EFEMP2: variants seen among roughly 807,000 people sequenced by gnomAD.
EFEMP2 encodes the protein EGF-containing fibulin-like extracellular matrix protein 2.
In EFEMP2, 21 loss-of-function variants were observed where a neutral mutation model predicts 55.3. That is an observed-to-expected ratio of 0.38 (90% confidence interval 0.27 to 0.55). EFEMP2 has a LOEUF of 0.55. Among genes scored for constraint, EFEMP2 ranks in the 20% least tolerant of loss-of-function variants. EFEMP2 has a pLI of 0.77. For missense variants in EFEMP2, 513 were observed against 615.1 expected (o/e 0.83, Z 1.76); for synonymous variants, 275 against 242.3 (o/e 1.14, Z -1.25).
rs549894264 is a variant in EFEMP2, at chr11:65,870,737, C to T, written c.368-79G>A. 26 of 1,604,458 alleles carry T rather than the reference C, an allele frequency of 1.6e-5. No individual in the cohort carries two copies. In the Middle Eastern group the frequency reaches 5.0e-4, roughly 31 times the overall value. ...GACAGATAGTTCCAACACTTGTATT[C>T]GGTTCTCTCAACAGCACGCGTAAGA... On this transcript the variant is annotated intron_variant, in intron 4 of 10. Coordinates refer to ENST00000307998, the MANE Select transcript of EFEMP2 (RefSeq NM_016938.5).
chr11:65,872,306 G>T lies in EFEMP2; in HGVS notation c.49C>A (p.Leu17Met). The change falls in exon 2 of 11, where the codon CTG becomes ATG. Residue 17 changes from leucine to methionine, a missense_variant. By Grantham distance (15) the Leu-to-Met change is conservative. Coordinates refer to ENST00000307998, the MANE Select transcript of EFEMP2 (RefSeq NM_016938.5). ...GCTGATCCCAAGAGCAACAGTAGCAGCGCCCAGAGCAGTAGAGACCCGGGT... is the reference window on the plus strand; with the variant it reads ...GCTGATCCCAAGAGCAACAGTAGCATCGCCCAGAGCAGTAGAGACCCGGGT... ...CLPGSLLLWA[L>M]LLLLLGSASP... 1 of 1,551,740 alleles carries T rather than the reference G, an allele frequency of 6.4e-7. No homozygotes were observed. Among genetic ancestry groups the T allele is most frequent in the Non-Finnish European group, 8.7e-7 (1 of 1,147,032 alleles).
At chr11:65,867,463 G>T (rs908160093) in intron 10 of EFEMP2, 11 of 427,936 alleles carry the variant, frequency 2.6e-5, no homozygotes, top group Non-Finnish European at 4.4e-5. Flanking sequence ...CCCTTCTCCT[G>T]CTGAGACCCA....
At position 65,872,776 on chromosome 11, in the gene EFEMP2, C is replaced by A. The variant is rs1859990902; in HGVS notation, c.-101G>T. 1.1e-5 allele frequency: 3 copies of A among 261,924 alleles called. No homozygotes were observed. The highest frequency in any genetic ancestry group is 2.4e-5 in the Non-Finnish European group (3 of 124,922). The allele number at this position is 261,924 out of a possible 1,614,324, so 16.2% of individuals were successfully genotyped here. ...AGACGGACGGGCGGACGGCACAGCT[C>A]CCTGGACGCGCGGCCCCAGGAAGCG... On this transcript the variant is annotated 5_prime_UTR_variant, in exon 1 of 11. Transcript: ENST00000307998.
At position 65,872,519 on chromosome 11, in the gene EFEMP2, C is replaced by T. The variant is rs2134754077; in HGVS notation, c.-7-158G>A. 6 of 556,298 alleles carry T rather than the reference C, an allele frequency of 1.1e-5. No homozygotes were observed. In the South Asian group the frequency reaches 1.2e-4, roughly 11 times the overall value. 34.5% of individuals were successfully genotyped at this position (556,298 alleles called of 1,614,324 possible). A position where few individuals can be genotyped will look rare whatever the true frequency, so the allele number is the denominator to read the frequency against. On this transcript the variant is annotated intron_variant, in intron 1 of 10. Coordinates refer to ENST00000307998, the MANE Select transcript of EFEMP2 (RefSeq NM_016938.5). The stretch of plus-strand genomic sequence containing the variant: ...GGGCCGACTCCTCACAGGCCCAGGT[C>T]CCAGGCCCGGGTCCCAGGCCCACCC...
intron 10 of EFEMP2, 187 bp downstream of exon 10, chr11:65,867,674 G>A (rs1030783972): frequency 7.4e-6 from 5 of 674,080 alleles, no homozygotes; most frequent in African/African-American, 3.6e-5. Context: ...CGAGTGCTTC[G>A]TTAGAATTGC....
At chr11:65,872,060 T>C in intron 2 of EFEMP2, 42 bp from the exon 3 acceptor site, 2 of 1,550,868 alleles carry the variant, frequency 1.3e-6, no homozygotes, top group Non-Finnish European at 1.7e-6. Context: ...CCCTAAGATC[T>C]CCTCCAACTG....
At position 65,868,527 on chromosome 11, in the gene EFEMP2, G is replaced by C. The variant is rs1321499476; in HGVS notation, c.830C>G (p.Ala277Gly). 2.5e-6 allele frequency: 4 copies of C among 1,614,052 alleles called. No homozygotes were observed. The highest frequency in any genetic ancestry group is 1.3e-5 in the African/African-American group (1 of 75,060). ...CHCPQGYQLL[A>G]TRLCQDIDEC... is the part of the protein sequence containing the mutation. ...ACCTGTACCTTGGCAGAGGCGTGTG[G>C]CCAGCAGCTGGTAACCCTGTGGGCA... The change falls in exon 8 of 11, where the codon GCC (alanine) becomes GGC (glycine). Residue 277 changes from alanine (A) to glycine (G), a missense_variant. Coordinates refer to ENST00000307998, the MANE Select transcript of EFEMP2 (RefSeq NM_016938.5).
chr11:65,867,440 G>A (rs1416133528), intron 10 of EFEMP2: 5 of 436,750 alleles, frequency 1.1e-5, no homozygotes, highest in African/African-American at 2.0e-5. Context: ...AGAAGGGCTG[G>A]TACTAGACAA....
chr11:65,872,652 C>T, intron 1 of EFEMP2, 31 bp downstream of exon 1: 1 of 307,836 alleles, frequency 3.2e-6, no homozygotes. Context: ...CCGGCCCACG[C>T]CCTCCCCCAC....
chr11:65,867,513 G>A, intron 10 of EFEMP2: 1 of 441,132 alleles, frequency 2.3e-6, no homozygotes, highest in Non-Finnish European at 4.2e-6. Context: ...CTCACTGTGA[G>A]CCGCCCCTGG....
chr11:65,868,235 A>G (rs202220871), intron 9 of EFEMP2, 60 bp downstream of exon 9: 11 of 1,608,420 alleles, frequency 6.8e-6, no homozygotes, highest in African/African-American at 2.7e-5. Flanking sequence ...GATGCCAGTC[A>G]GCCCCAAAGC....
chr11:65,871,867 TG>T, intron 3 of EFEMP2, 102 bp downstream of exon 3: 1 of 1,430,694 alleles, frequency 7.0e-7, no homozygotes, highest in Non-Finnish European at 9.6e-7. Flanking sequence ...AACGGGCTGC[TG>T]GGCTCCCACG....
In EFEMP2 at chr11:65,866,903, G is replaced by T; in HGVS notation, c.*15C>A. 6.2e-7 allele frequency: 1 copy of T among 1,613,622 alleles called. No homozygotes were observed. The highest frequency in any genetic ancestry group is 8.5e-7 in the Non-Finnish European group (1 of 1,179,634). ...AGCTAGGGTAGCTGCAGGGAGGGTG[G>T]CTCCCTCCTGCTCCTCAGAAGGTGT... On this transcript the variant is annotated 3_prime_UTR_variant, in exon 11 of 11. Coordinates refer to ENST00000307998, the MANE Select transcript of EFEMP2 (RefSeq NM_016938.5).
rs142826827 is a variant in EFEMP2, at chr11:65,867,976, G to C, written c.1055C>G (p.Ser352Trp). ...CACGTCAGCGGGCACGCTCCGCTCC[G>C]AGGTGATGGTCATGTAGCGGTGCAC... ...SIVHRYMTIT[S>W]ERSVPADVFQ... is the part of the protein sequence containing the mutation. Residue 352 changes from serine (S) to tryptophan (W), a missense_variant, in exon 10 of 11, where the codon TCG (serine) becomes TGG (tryptophan). Physicochemically the swap from Ser to Trp is radical, Grantham distance 177 (BLOSUM62 -3). Coordinates refer to ENST00000307998, the MANE Select transcript of EFEMP2 (RefSeq NM_016938.5). 1 of 1,614,098 alleles carries C rather than the reference G, an allele frequency of 6.2e-7. No homozygotes were observed. The highest frequency in any genetic ancestry group is 8.5e-7 in the Non-Finnish European group (1 of 1,180,026).
chr11:65,868,291 T>C lies in EFEMP2; in HGVS notation c.974+4A>G. On this transcript the variant is annotated splice_donor_region_variant and intron_variant, in intron 9 of 10. Transcript: ENST00000307998. ...TGTGGGGGCCTGGCATCGAATTGACTCACTTCTCAGAGACCTGGATGTAGG... is the reference window on the plus strand; with the variant it reads ...TGTGGGGGCCTGGCATCGAATTGACCCACTTCTCAGAGACCTGGATGTAGG... The C allele has an allele frequency of 6.2e-7, 1 of 1,613,626 alleles. No individual in the cohort carries two copies. Among genetic ancestry groups the C allele is most frequent in the African/African-American group, 1.3e-5 (1 of 75,046 alleles).
chr11:65,869,805 G>A, intron 7 of EFEMP2, 52 bp downstream of exon 7: 1 of 1,611,396 alleles, frequency 6.2e-7, no homozygotes, highest in Non-Finnish European at 8.5e-7. Context: ...GCACGGCATA[G>A]CTAGGGCCTG....
At chr11:65,867,366 G>A (rs573770407) in intron 10 of EFEMP2, 28 of 531,154 alleles carry the variant, frequency 5.3e-5, no homozygotes, top group Non-Finnish European at 9.5e-5. Context: ...CTTGGGACTG[G>A]TGGGACCTTT....
In EFEMP2 at chr11:65,868,327, G is replaced by A; in HGVS notation, c.942C>T (p.Arg314=). The A allele has an allele frequency of 6.2e-7, 1 of 1,613,828 alleles. No individual in the cohort carries two copies. Among genetic ancestry groups the A allele is most frequent in the Non-Finnish European group, 8.5e-7 (1 of 1,180,032 alleles). Residue 314 remains arginine (R), a synonymous_variant, in exon 9 of 11, where the codon CGC becomes CGT. Transcript: ENST00000307998. ...AGACCTGGATGTAGGGCTCCACGCA[G>A]CGGTTGGTGTCCACGCAGCGGTAGC... ...HGGYRCVDTN[R]CVEPYIQVSE...
intron 1 of EFEMP2, 61 bp downstream of exon 1, chr11:65,872,622 C>T (rs1859985909): frequency 3.5e-6 from 1 of 286,690 alleles, no homozygotes. Context: ...CGCTACGCTG[C>T]CGCGGACTCG....
Sources: allele counts gnomAD v4.1 joint callset, GRCh38; gene constraint gnomAD v4.1.1; transcripts MANE v1.5; gene names NCBI Gene and HGNC (gene_info 2026-07-23, HGNC 2026-07-21).